Variants in PPEF2 observed in about 807,000 individuals in gnomAD.
PPEF2 encodes the protein protein phosphatase with EF-hand domain 2, also known as serine/threonine-protein phosphatase with EF-hands 2.
PPEF2 carries 84 observed loss-of-function variants against 84.7 expected under a neutral mutation model. That is an observed-to-expected ratio of 0.99 (90% CI 0.83 to 1.19). PPEF2 has a LOEUF of 1.19. PPEF2 is among the 50% of genes most tolerant of loss of function. PPEF2 has a pLI of 0.00. For synonymous variants in PPEF2, 346 were observed against 345.2 expected (o/e 1.00, Z -0.03); for missense variants, 924 against 937.5 (o/e 0.99, Z 0.19).
intron 12 of PPEF2, 58 bp from the exon 13 acceptor site, chr4:75,872,225 C>A: frequency 6.5e-7 from 1 of 1,544,338 alleles, no homozygotes. Context: ...CCTTCACCCT[C>A]AATCCTATGT....
At chr4:75,884,157 G>C (rs899975307) in intron 8 of PPEF2, among the ~76,000 whole-genome samples, 1 of 151,602 alleles carries the variant, frequency 6.6e-6, no homozygotes. Flanking sequence ...GGCTGTGTGC[G>C]GTGGCTCACG....
chr4:75,873,910 C>T (rs897981995), intron 11 of PPEF2, among the ~76,000 whole-genome samples: 2 of 151,568 alleles, frequency 1.3e-5, no homozygotes, highest in Non-Finnish European at 2.9e-5. Flanking sequence ...AGTTCAAGAC[C>T]AGCCTGGTCA....
At chr4:75,899,372 C>A (rs1174051601) in intron 1 of PPEF2, among the ~76,000 whole-genome samples, 1 of 152,140 alleles carries the variant, frequency 6.6e-6, no homozygotes, top group Non-Finnish European at 1.5e-5. Flanking sequence ...TGGATATACA[C>A]CCAAAGTGTA....
intron 10 of PPEF2, among the ~76,000 whole-genome samples, chr4:75,878,897 A>C (rs1201656930): frequency 6.6e-6 from 1 of 152,156 alleles, no homozygotes; most frequent in Admixed American, 6.6e-5. Context: ...ATATCGACTC[A>C]AACTCGTGTT....
chr4:75,893,857 T>C (rs1214138507), intron 2 of PPEF2, among the ~76,000 whole-genome samples: 1 of 121,032 alleles, frequency 8.3e-6, no homozygotes, highest in Non-Finnish European at 1.7e-5. Flanking sequence ...ACACCTTTCA[T>C]TCTCCCTCTT....
At chr4:75,879,805 A>T (rs1724517926) in intron 10 of PPEF2, among the ~76,000 whole-genome samples, 1 of 150,608 alleles carries the variant, frequency 6.6e-6, no homozygotes, top group African/African-American at 2.4e-5. Flanking sequence ...CTTAAATATT[A>T]CTTGAATTTT....
At position 75,883,172 on chromosome 4, in the gene PPEF2, T is replaced by C. The variant is rs200299312; in HGVS notation, c.777A>G (p.Lys259=). The part of the protein sequence containing the change: ...RYGFTKEVMN[K]YKVHGKEILR... ...GTCTTTAAAGGCAGCGCACCTTGTA[T>C]TTATTCATCACTTCCTTGGTGAAGC... is the stretch of plus-strand genomic sequence containing the variant. The change falls in exon 9 of 17, where the codon AAA becomes AAG. Residue 259 remains lysine (K), a synonymous_variant. Coordinates refer to ENST00000286719, the MANE Select transcript of PPEF2 (RefSeq NM_006239.3). 2 of 1,613,868 alleles carry C rather than the reference T, an allele frequency of 1.2e-6. No individual in the cohort carries two copies. Among genetic ancestry groups the C allele is most frequent in the East Asian group, 4.5e-5 (2 of 44,872 alleles).
At chr4:75,888,103 T>G (rs1032998386) in intron 6 of PPEF2, 111 bp downstream of exon 6, 1 of 784,312 alleles carries the variant, frequency 1.3e-6, no homozygotes, top group Non-Finnish European at 2.2e-6. Flanking sequence ...GGGGTTAAAT[T>G]TGGCTTATCA....
chr4:75,868,070 G>C (rs1578001766), intron 13 of PPEF2, among the ~76,000 whole-genome samples: 1 of 151,922 alleles, frequency 6.6e-6, no homozygotes, highest in Non-Finnish European at 1.5e-5. Flanking sequence ...AGCACTCTGG[G>C]AGGCCAAGGT....
At chr4:75,880,906 T>A (rs1185295735) in intron 10 of PPEF2, among the ~76,000 whole-genome samples, 1 of 151,582 alleles carries the variant, frequency 6.6e-6, no homozygotes, top group Admixed American at 6.6e-5. Flanking sequence ...TTCAAGTGAT[T>A]CTCCTACCTC....
intron 8 of PPEF2, 72 bp from the exon 9 acceptor site, chr4:75,883,274 G>T: frequency 7.2e-7 from 1 of 1,386,148 alleles, no homozygotes. Context: ...CACATTTTTA[G>T]AAGAATGCAT....
In PPEF2 at chr4:75,885,731, C is replaced by A. The variant is rs188752385; in HGVS notation, c.580-971G>T. 4.7e-4 allele frequency among the ~76,000 whole-genome samples: 72 copies of A among 152,138 alleles called. No individual in the cohort carries two copies. The East Asian group carries it at 9.3e-3, about 20-fold the overall frequency. On this transcript the variant is annotated intron_variant, in intron 7 of 16. Coordinates refer to ENST00000286719, the MANE Select transcript of PPEF2 (RefSeq NM_006239.3). Reference sequence around the variant, plus strand: ...ATATAAAAAATTAGTCCATCGTAGGCCAGGCGCGGTGGCTCACACCGGTAA... The same window carrying A: ...ATATAAAAAATTAGTCCATCGTAGGACAGGCGCGGTGGCTCACACCGGTAA...
At chr4:75,900,696 T>C (rs1394417488) in intron 1 of PPEF2, among the ~76,000 whole-genome samples, 1 of 152,176 alleles carries the variant, frequency 6.6e-6, no homozygotes, top group East Asian at 1.9e-4. Context: ...GATAAGGAAT[T>C]TTCTTAAATG....
intron 7 of PPEF2, among the ~76,000 whole-genome samples, chr4:75,885,567 TA>T (rs1224832996): frequency 6.6e-6 from 1 of 152,186 alleles, no homozygotes; most frequent in Non-Finnish European, 1.5e-5. Flanking sequence ...CAAATATTAT[TA>T]AAAATAATAT....
At chr4:75,876,806 G>A (rs1351830210) in intron 10 of PPEF2, 133 bp from the exon 11 acceptor site, 5 of 946,860 alleles carry the variant, frequency 5.3e-6, no homozygotes, top group Non-Finnish European at 5.9e-6. Flanking sequence ...GGGAGTTCAA[G>A]ACCAGCTTGA....
At chr4:75,866,602 A>C in intron 14 of PPEF2, 1 of 501,096 alleles carries the variant, frequency 2.0e-6, no homozygotes, top group South Asian at 2.0e-5. Context: ...AATATTGCAT[A>C]AAAATTATTT....
intron 13 of PPEF2, 39 bp from the exon 14 acceptor site, chr4:75,867,458 G>A: frequency 7.2e-7 from 1 of 1,381,190 alleles, no homozygotes; most frequent in South Asian, 1.2e-5. Flanking sequence ...TAACACACTG[G>A]TATAGAAAAA....
rs745905209 is a variant in PPEF2 at position 75,876,325 on chromosome 4, C to A, written c.1282G>T (p.Gly428Ter). 3 of 1,612,586 alleles carry A rather than the reference C, an allele frequency of 1.9e-6. No homozygotes were observed. The highest frequency in any genetic ancestry group is 2.2e-5 in the East Asian group (1 of 44,874). Reference sequence around the variant, plus strand: ...TCCTGAGTGGGCTTCCGCAGCTCTCCGGCTTCAGAGTCTGCTTCTGAGGCT... The same window carrying A: ...TCCTGAGTGGGCTTCCGCAGCTCTCAGGCTTCAGAGTCTGCTTCTGAGGCT... ...RSASEADSEA[G>*]ELRKPTQEEW... Residue 428 changes from glycine to a stop codon, truncating the protein, a stop_gained, in exon 11 of 17, where the codon GGA becomes TGA. Coordinates refer to ENST00000286719, the MANE Select transcript of PPEF2 (RefSeq NM_006239.3). LOFTEE classifies it high-confidence loss of function.
Position 75,860,557 on chromosome 4 carries a change from G to T in PPEF2, c.*110C>A. On this transcript the variant is annotated 3_prime_UTR_variant, in exon 17 of 17. Transcript: ENST00000286719. ...TACACAGGTGATTCTGATGCATATGGATAGGTAAATTTTCAGCATAAAGTT... is the reference window on the plus strand; with the variant it reads ...TACACAGGTGATTCTGATGCATATGTATAGGTAAATTTTCAGCATAAAGTT... The T allele has an allele frequency of 7.2e-7, 1 of 1,390,790 alleles. No homozygotes were observed. The highest frequency in any genetic ancestry group is 9.9e-7 in the Non-Finnish European group (1 of 1,014,624). The allele number at this position is 1,390,790 out of a possible 1,614,324, so 86.2% of individuals were successfully genotyped here.
Sources: allele counts gnomAD v4.1 joint callset (sites outside exome capture counted in the v4.1 genomes callset), GRCh38; gene constraint gnomAD v4.1.1; transcripts MANE v1.5; gene names NCBI Gene and HGNC (gene_info 2026-07-23, HGNC 2026-07-21).